MSRA: variants seen among roughly 807,000 people sequenced by gnomAD.
The protein encoded by MSRA is methionine sulfoxide reductase A.
MSRA carries 54 observed loss-of-function variants against 31.3 expected under a neutral mutation model. The ratio of observed to expected loss-of-function variants is 1.73; its 90% CI spans 1.39 to 2.17. The LOEUF is 2.17. Ranked by LOEUF, MSRA falls within the 30% of genes most tolerant of loss-of-function variation. The pLI is 0.00. For synonymous variants in MSRA, 169 were observed against 116.5 expected (o/e 1.45, Z -2.90); for missense variants, 507 against 300.9 (o/e 1.69, Z -5.07).
At chr8:10,425,733 A>T (rs987030874) in intron 5 of MSRA, among the ~76,000 whole-genome samples, 3 of 152,268 alleles carry the variant, frequency 2.0e-5, no homozygotes, top group African/African-American at 7.2e-5. Flanking sequence ...AGGTCCTCTG[A>T]GGACGATCAC....
chr8:10,095,975 G>A, intron 1 of MSRA: 1 of 1,392,006 alleles, frequency 7.2e-7, no homozygotes, highest in Non-Finnish European at 9.4e-7. Context: ...ACAAAATAAA[G>A]TTTGTTCATC....
At chr8:10,154,231 G>A (rs186693429) in intron 1 of MSRA, among the ~76,000 whole-genome samples, 181 of 152,182 alleles carry the variant, frequency 1.2e-3, no homozygotes, top group African/African-American at 4.0e-3. Flanking sequence ...AAAACCTTGC[G>A]GAAGAGTAGC....
At chr8:10,394,088 C>T (rs1480514579) in intron 5 of MSRA, among the ~76,000 whole-genome samples, 3 of 152,192 alleles carry the variant, frequency 2.0e-5, no homozygotes, top group Non-Finnish European at 2.9e-5. Flanking sequence ...ATGAGCTAGA[C>T]GGCATCTGCG....
At chr8:10,067,671 C>T (rs1389307114) in intron 1 of MSRA, among the ~76,000 whole-genome samples, 1 of 152,174 alleles carries the variant, frequency 6.6e-6, no homozygotes. Context: ...CCACATCCTT[C>T]CCGGCAGTTG....
chr8:10,174,698 A>G (rs1406612896), intron 1 of MSRA, among the ~76,000 whole-genome samples: 1 of 151,754 alleles, frequency 6.6e-6, no homozygotes, highest in Admixed American at 6.6e-5. Flanking sequence ...TCCATCTTTC[A>G]TTGCTGGTTA....
chr8:10,110,245 G>T (rs1402492869), intron 1 of MSRA, among the ~76,000 whole-genome samples: 2 of 152,166 alleles, frequency 1.3e-5, no homozygotes, highest in Non-Finnish European at 2.9e-5. Flanking sequence ...TGTTTCAGTG[G>T]ATGTTTTGTT....
intron 5 of MSRA, among the ~76,000 whole-genome samples, chr8:10,425,510 G>C (rs1179763878): frequency 6.6e-6 from 1 of 152,240 alleles, no homozygotes. Flanking sequence ...CCCACGCTGT[G>C]CTCAGAGAAT....
intron 3 of MSRA, among the ~76,000 whole-genome samples, chr8:10,250,249 C>G (rs1373055788): frequency 2.0e-5 from 3 of 152,124 alleles, no homozygotes; most frequent in East Asian, 3.9e-4. Context: ...GAGAATTATT[C>G]TTACATTTTG....
intron 1 of MSRA, among the ~76,000 whole-genome samples, chr8:10,207,031 T>G (rs1469923977): frequency 6.6e-6 from 1 of 152,222 alleles, no homozygotes; most frequent in Non-Finnish European, 1.5e-5. Flanking sequence ...TTTTCTTTTG[T>G]GTTTTCCACA....
intron 5 of MSRA, among the ~76,000 whole-genome samples, chr8:10,404,225 C>T (rs1807650389): frequency 6.6e-6 from 1 of 152,146 alleles, no homozygotes; most frequent in African/African-American, 2.4e-5. Flanking sequence ...TGCTGCTCCT[C>T]CTCCACAAAT....
At chr8:10,222,808 A>G (rs1810643322) in intron 2 of MSRA, among the ~76,000 whole-genome samples, 1 of 152,224 alleles carries the variant, frequency 6.6e-6, no homozygotes, top group Non-Finnish European at 1.5e-5. Context: ...CAAAGCAGAG[A>G]GTACAATGAT....
intron 5 of MSRA, among the ~76,000 whole-genome samples, chr8:10,346,813 G>T (rs2129154989): frequency 6.6e-6 from 1 of 152,334 alleles, no homozygotes; most frequent in Admixed American, 6.5e-5. Context: ...GCCATTTGGG[G>T]CTGATTGCTA....
At chr8:10,127,923 G>T (rs1384837951) in intron 1 of MSRA, among the ~76,000 whole-genome samples, 1 of 151,934 alleles carries the variant, frequency 6.6e-6, no homozygotes, top group African/African-American at 2.4e-5. Flanking sequence ...GTTTCTTTGT[G>T]TACGTGAATG....
intron 5 of MSRA, among the ~76,000 whole-genome samples, chr8:10,381,785 G>A (rs1317932851): frequency 6.6e-6 from 1 of 152,182 alleles, no homozygotes; most frequent in African/African-American, 2.4e-5. Flanking sequence ...TGAGACCTTT[G>A]CTTCCGTGGA....
intron 1 of MSRA, among the ~76,000 whole-genome samples, chr8:10,083,826 G>A (rs963217275): frequency 6.6e-6 from 1 of 152,128 alleles, no homozygotes; most frequent in Non-Finnish European, 1.5e-5. Flanking sequence ...AGACCTGTCA[G>A]AGCTTGGAAA....
At chr8:10,401,892 A>G (rs1340107445) in intron 5 of MSRA, among the ~76,000 whole-genome samples, 1 of 152,202 alleles carries the variant, frequency 6.6e-6, no homozygotes, top group Non-Finnish European at 1.5e-5. Context: ...AGAGGTTCCC[A>G]GGGGCTGAGG....
chr8:10,359,093 G>A lies in MSRA; in HGVS notation c.543+39104G>A, dbSNP rs138000957. Among the ~76,000 whole-genome samples the A allele has an allele frequency of 3.0e-3, 459 of 152,298 alleles. 2 individuals carry two copies. The highest frequency in any genetic ancestry group is 0.01 in the African/African-American group (427 of 41,556). On this transcript the variant is annotated intron_variant, in intron 5 of 5. Coordinates refer to ENST00000317173, the MANE Select transcript of MSRA (RefSeq NM_012331.5). ...GGATTGATAGTGTGAAGCATGTGAT[G>A]TGCTTTTTCAACGTGTAGTTTTGAT... is the stretch of plus-strand genomic sequence containing the variant.
chr8:10,245,300 T>A (rs893239400), intron 3 of MSRA, 77 bp downstream of exon 3: 1 of 1,335,140 alleles, frequency 7.5e-7, no homozygotes, highest in African/African-American at 1.5e-5. Flanking sequence ...GACAGGCTCT[T>A]TAAAATGGAA....
At chr8:10,173,485 T>C (rs1805774993) in intron 1 of MSRA, among the ~76,000 whole-genome samples, 1 of 152,216 alleles carries the variant, frequency 6.6e-6, no homozygotes, top group Non-Finnish European at 1.5e-5. Context: ...CCAAGTCTTC[T>C]TTCCGTGAAT....
Sources: allele counts gnomAD v4.1 joint callset (sites outside exome capture counted in the v4.1 genomes callset), GRCh38; gene constraint gnomAD v4.1.1; transcripts MANE v1.5; gene names NCBI Gene and HGNC (gene_info 2026-07-23, HGNC 2026-07-21).